The following CFAP20DC variants were observed in gnomAD, a reference collection of about 807,000 sequenced individuals.
CFAP20DC encodes CFAP20 domain containing.
A neutral mutation model predicts 101.7 loss-of-function variants in CFAP20DC; 84 were observed. The observed-to-expected ratio is 0.83, with a 90% CI of 0.69 to 0.99. The LOEUF is 0.99. Ranked by LOEUF, CFAP20DC falls within the 50% of genes least tolerant of loss-of-function variation. The pLI, the probability that CFAP20DC is intolerant of heterozygous loss-of-function variation, is 0.00. For synonymous variants in CFAP20DC, 359 were observed against 351.2 expected (o/e 1.02, Z -0.25); for missense variants, 1,007 against 970.3 (o/e 1.04, Z -0.50).
intron 14 of CFAP20DC, chr3:58,824,671 C>G (rs536446325): frequency 6.6e-6 from 1 of 152,134 alleles, no homozygotes; most frequent in Non-Finnish European, 1.5e-5. Flanking sequence ...GTCTGAGAAC[C>G]TCACCATATG....
rs1269598907 is a variant in CFAP20DC, at chr3:58,846,569, C to T, written c.1971+2463G>A. Among the ~76,000 whole-genome samples the T allele has an allele frequency of 4.4e-4, 65 of 149,308 alleles. 1 individual carries two copies. The highest frequency in any genetic ancestry group is 8.9e-4 in the Non-Finnish European group (59 of 66,458). On this transcript the variant is annotated intron_variant, in intron 13 of 16. Coordinates refer to ENST00000482387, the MANE Select transcript of CFAP20DC (RefSeq NM_001394063.1). The stretch of plus-strand genomic sequence containing the variant: ...GCTCATGGGTAGGAAGAATCAATAT[C>T]GTGAAAATGGCCATACTGCCCAAGG...
rs1480246963 is a variant in CFAP20DC at position 58,799,598 on chromosome 3, T to C, written c.2237+6797A>G. 3.3e-5 allele frequency among the ~76,000 whole-genome samples: 5 copies of C among 152,184 alleles called. No homozygotes were observed. The highest frequency in any genetic ancestry group is 9.7e-5 in the African/African-American group (4 of 41,440). On this transcript the variant is annotated intron_variant, in intron 15 of 16. Coordinates refer to ENST00000482387, the MANE Select transcript of CFAP20DC (RefSeq NM_001394063.1). This position sits in a 1 kb window ranked among gnomAD's most constrained non-coding sequence, Gnocchi z 4.9. ...GTCTCTTATGTGCCTATTTTTTATGTGTCTCCTATGTGCTTGGCAAGTATA... is the reference window on the plus strand; with the variant it reads ...GTCTCTTATGTGCCTATTTTTTATGCGTCTCCTATGTGCTTGGCAAGTATA...
intron 14 of CFAP20DC, among the ~76,000 whole-genome samples, chr3:58,825,557 A>ACACAC: frequency 6.6e-6 from 1 of 150,820 alleles, no homozygotes. Flanking sequence ...ACACACACAC[A>ACACAC]ACATGGCTTT....
intron 4 of CFAP20DC, among the ~76,000 whole-genome samples, chr3:58,975,670 T>C (rs1255502855): frequency 1.3e-5 from 2 of 152,246 alleles, no homozygotes; most frequent in African/African-American, 4.8e-5. Flanking sequence ...AGAGAATAAC[T>C]GCATCATTTA....
chr3:58,866,402 T>C (rs1482064158), intron 11 of CFAP20DC, 164 bp downstream of exon 11: 1 of 543,620 alleles, frequency 1.8e-6, no homozygotes, highest in Non-Finnish European at 3.2e-6. Flanking sequence ...TTTCATCCAT[T>C]AAAGTTTGAC....
intron 15 of CFAP20DC, among the ~76,000 whole-genome samples, chr3:58,764,992 T>C (rs749803095): frequency 6.6e-6 from 1 of 152,130 alleles, no homozygotes; most frequent in African/African-American, 2.4e-5. Context: ...ATAAATACTA[T>C]CTTGTGAATT....
At chr3:58,807,027 C>A (rs886976050) in intron 14 of CFAP20DC, among the ~76,000 whole-genome samples, 4 of 152,166 alleles carry the variant, frequency 2.6e-5, no homozygotes, top group African/African-American at 9.7e-5. Flanking sequence ...GGGGTGCCCG[C>A]CATTGCCCAG....
At chr3:58,998,545 T>C (rs1476427665) in intron 4 of CFAP20DC, among the ~76,000 whole-genome samples, 5 of 152,210 alleles carry the variant, frequency 3.3e-5, no homozygotes, top group Non-Finnish European at 7.3e-5. Context: ...TAATTTATAC[T>C]TCACAATAAT....
intron 12 of CFAP20DC, among the ~76,000 whole-genome samples, chr3:58,860,971 A>T (rs2079197820): frequency 6.6e-6 from 1 of 152,192 alleles, no homozygotes; most frequent in South Asian, 2.1e-4. Flanking sequence ...ACGGAATAAA[A>T]TATATGATAA....
At chr3:58,812,157 G>C (rs945537895) in intron 14 of CFAP20DC, among the ~76,000 whole-genome samples, 2 of 152,114 alleles carry the variant, frequency 1.3e-5, no homozygotes, top group Admixed American at 6.6e-5. Context: ...CGATTCCTTA[G>C]GGATCTAGAA....
chr3:58,796,018 A>G (rs2073213588), intron 15 of CFAP20DC, among the ~76,000 whole-genome samples: 2 of 152,102 alleles, frequency 1.3e-5, no homozygotes, highest in Admixed American at 1.3e-4. Context: ...AGACAAATAA[A>G]TCTTGGGCAG....
intron 7 of CFAP20DC, among the ~76,000 whole-genome samples, chr3:58,879,026 A>G (rs973490480): frequency 6.6e-6 from 1 of 151,838 alleles, no homozygotes; most frequent in African/African-American, 2.4e-5. Flanking sequence ...AAAAAAAACA[A>G]AAGAATGCAC....
At chr3:58,993,546 T>C (rs1391043394) in intron 4 of CFAP20DC, among the ~76,000 whole-genome samples, 1 of 152,138 alleles carries the variant, frequency 6.6e-6, no homozygotes, top group African/African-American at 2.4e-5. Context: ...ATTAAGCTCA[T>C]CACCCATTAG....
rs539912385 is a variant in CFAP20DC at position 58,967,938 on chromosome 3, A to C, written c.279-30176T>G. ...CATAAGGTCTCATTATTTAGCTCCC[A>C]CTTATAAGTGAGAACATGCAGCATT... On this transcript the variant is annotated intron_variant, in intron 4 of 16. Coordinates refer to ENST00000482387, the MANE Select transcript of CFAP20DC (RefSeq NM_001394063.1). 2.0e-5 allele frequency among the ~76,000 whole-genome samples: 3 copies of C among 152,222 alleles called. No individual in the cohort carries two copies. In the East Asian group the frequency reaches 5.8e-4, roughly 29 times the overall value.
intron 15 of CFAP20DC, among the ~76,000 whole-genome samples, chr3:58,770,508 G>T (rs770767891): frequency 2.6e-5 from 4 of 152,144 alleles, no homozygotes; most frequent in African/African-American, 9.7e-5. Context: ...TTCAGGGAAG[G>T]CTTTCTAGCA....
In CFAP20DC at chr3:58,971,774, A is replaced by T. The variant is rs928391814; in HGVS notation, c.279-34012T>A. ...CAAGGCAGGTAACAGAGAAAGCCCCACTGTCACTACCAAACCAAATGCCAA... is the reference window on the plus strand; with the variant it reads ...CAAGGCAGGTAACAGAGAAAGCCCCTCTGTCACTACCAAACCAAATGCCAA... On this transcript the variant is annotated intron_variant, in intron 4 of 16. Coordinates refer to ENST00000482387, the MANE Select transcript of CFAP20DC (RefSeq NM_001394063.1). This position sits in a 1 kb window ranked among gnomAD's most constrained non-coding sequence, Gnocchi z 4.1. Among the ~76,000 whole-genome samples, 2 of 152,184 alleles carry T rather than the reference A, an allele frequency of 1.3e-5. No individual in the cohort carries two copies. Among genetic ancestry groups the T allele is most frequent in the African/African-American group, 4.8e-5 (2 of 41,542 alleles).
At chr3:58,952,203 C>T (rs58970499) in intron 4 of CFAP20DC, among the ~76,000 whole-genome samples, 3,173 of 152,260 alleles carry the variant, frequency 0.021, 101 homozygotes, top group African/African-American at 0.072. Flanking sequence ...AGTAGTCCCC[C>T]TCATCTGTGG....
chr3:58,735,924 T>G (rs1249123758), intron 3 of CFAP20DC, among the ~76,000 whole-genome samples: 1 of 152,212 alleles, frequency 6.6e-6, no homozygotes, highest in Non-Finnish European at 1.5e-5. Context: ...ATCTGGACTT[T>G]GTAACACTCA....
chr3:58,992,323 A>C (rs2092967103), intron 4 of CFAP20DC, among the ~76,000 whole-genome samples: 1 of 152,334 alleles, frequency 6.6e-6, no homozygotes, highest in Non-Finnish European at 1.5e-5. Context: ...CCAATTTGAC[A>C]TTGCTGTAAC....
Sources: gnomAD v4.1 joint callset for allele counts (sites outside exome capture counted in the v4.1 genomes callset) on GRCh38, gnomAD v4.1.1 for gene constraint, Gnocchi (gnomAD v3.1) non-coding constraint, MANE v1.5 for transcripts, NCBI Gene and HGNC (gene_info 2026-07-23, HGNC 2026-07-21) for gene names.